The following TENM3 variants were observed in gnomAD, a reference collection of about 807,000 sequenced individuals.
TENM3 encodes the protein teneurin transmembrane protein 3, also known as teneurin-3.
Under a neutral mutation model 255.1 loss-of-function variants are expected in TENM3, and 63 were observed. The ratio of observed to expected loss-of-function variants is 0.25; its 90% CI spans 0.20 to 0.30. The LOEUF is 0.30. Among genes scored for constraint, TENM3 ranks in the 10% least tolerant of loss-of-function variants. The probability of loss-of-function intolerance (pLI) is 1.00; values close to 1 mark genes in which losing one functional copy is unlikely to be tolerated. For missense variants in TENM3, 2,929 were observed against 3,461.1 expected (o/e 0.85, Z 3.86); for synonymous variants, 1,306 against 1,322.3 (o/e 0.99, Z 0.27).
the TENM3 span, among the ~76,000 whole-genome samples, chr4:182,090,913 C>A: frequency 6.6e-6 from 1 of 152,144 alleles, no homozygotes; most frequent in Admixed American, 6.6e-5. Context: ...TAGGTTTGAT[C>A]TTCTAATCCC....
the TENM3 span, among the ~76,000 whole-genome samples, chr4:181,586,582 C>T: frequency 6.6e-6 from 1 of 152,144 alleles, no homozygotes; most frequent in Non-Finnish European, 1.5e-5. Flanking sequence ...TGGCTCACAC[C>T]TGTAATCCCA....
At chr4:182,530,148 G>C (rs948385379) in intron 3 of TENM3, among the ~76,000 whole-genome samples, 3 of 152,166 alleles carry the variant, frequency 2.0e-5, no homozygotes, top group Admixed American at 1.3e-4. Flanking sequence ...CTCATAGTCA[G>C]AGACTTGTTT....
chr4:182,317,155 G>A (rs1170698939), intron 1 of TENM3, among the ~76,000 whole-genome samples: 1 of 152,188 alleles, frequency 6.6e-6, no homozygotes, highest in African/African-American at 2.4e-5. Flanking sequence ...TTACTGTCAT[G>A]TGTAAAGAAA....
chr4:182,041,028 C>T, the TENM3 span, among the ~76,000 whole-genome samples: 1 of 152,146 alleles, frequency 6.6e-6, no homozygotes, highest in Non-Finnish European at 1.5e-5. Context: ...AAATAGGAAA[C>T]TCCTGTATTT....
upstream of TENM3, among the ~76,000 whole-genome samples, chr4:182,241,659 G>T (rs2150067724): frequency 6.6e-6 from 1 of 151,800 alleles, no homozygotes; most frequent in East Asian, 1.9e-4. Flanking sequence ...ACAGGCATGT[G>T]CCACCATGCC....
chr4:181,547,469 C>T, the TENM3 span, among the ~76,000 whole-genome samples: 4 of 151,708 alleles, frequency 2.6e-5, no homozygotes, highest in African/African-American at 9.7e-5. Flanking sequence ...ATAAAAATTC[C>T]AAAAAGTTGA....
intron 3 of TENM3, among the ~76,000 whole-genome samples, chr4:182,365,843 T>A (rs1234519054): frequency 6.6e-6 from 1 of 152,208 alleles, no homozygotes; most frequent in Non-Finnish European, 1.5e-5. Context: ...GCCCACTATA[T>A]CTAGGCTACA....
At chr4:181,649,825 C>T in the TENM3 span, among the ~76,000 whole-genome samples, 1 of 152,114 alleles carries the variant, frequency 6.6e-6, no homozygotes. Flanking sequence ...TGTCTACAGT[C>T]TCTGTGAAGT....
intron 4 of TENM3, among the ~76,000 whole-genome samples, chr4:182,612,162 C>A (rs954987735): frequency 1.3e-5 from 2 of 151,428 alleles, no homozygotes; most frequent in Non-Finnish European, 2.9e-5. Context: ...ATCTGAGCTA[C>A]AGGGGAGGCT....
Position 182,352,199 on chromosome 4 carries a change from G to A in TENM3, c.511+5270G>A, listed in dbSNP as rs554155269. Among the ~76,000 whole-genome samples, 10 of 151,894 alleles carry A rather than the reference G, an allele frequency of 6.6e-5. No individual in the cohort carries two copies. The South Asian group carries it at 8.3e-4, about 13-fold the overall frequency. ...ACTCACGGTGTCTTCCAGAAAGGGC[G>A]CTGATCATTTGTGCAGTCTGGAATT... On this transcript the variant is annotated intron_variant, in intron 3 of 27. Transcript: ENST00000511685.
At chr4:181,963,121 A>G in the TENM3 span, among the ~76,000 whole-genome samples, 1 of 152,366 alleles carries the variant, frequency 6.6e-6, no homozygotes, top group East Asian at 1.9e-4. Context: ...AAGATACAGC[A>G]TATTACCACT....
chr4:182,449,335 C>T (rs567198743), intron 3 of TENM3, among the ~76,000 whole-genome samples: 14 of 152,292 alleles, frequency 9.2e-5, no homozygotes, highest in African/African-American at 2.9e-4. Flanking sequence ...TTTTTAACCC[C>T]TGAGGGACCA....
chr4:182,384,388 G>A (rs940236062), intron 3 of TENM3, among the ~76,000 whole-genome samples: 2 of 151,016 alleles, frequency 1.3e-5, no homozygotes, highest in South Asian at 2.1e-4. Flanking sequence ...CAGAGTAGAC[G>A]CAGGTAGGTG....
At chr4:182,044,577 G>A in the TENM3 span, among the ~76,000 whole-genome samples, 1 of 152,236 alleles carries the variant, frequency 6.6e-6, no homozygotes, top group South Asian at 2.1e-4. Flanking sequence ...GCTCGTTTAC[G>A]AGAGGTGGTG....
chr4:182,394,677 GTAGTC>G (rs750168575), intron 3 of TENM3, among the ~76,000 whole-genome samples: 2 of 152,168 alleles, frequency 1.3e-5, no homozygotes, highest in Non-Finnish European at 2.9e-5. Flanking sequence ...GCTTGAAAAT[GTAGTC>G]TAGAGAATCA....
At chr4:182,784,376 G>A in intron 24 of TENM3, among the ~76,000 whole-genome samples, 1 of 151,896 alleles carries the variant, frequency 6.6e-6, no homozygotes, top group Non-Finnish European at 1.5e-5. Context: ...AGGGGTCAGG[G>A]GTCAGGGACC....
chr4:181,910,092 A>T, the TENM3 span, among the ~76,000 whole-genome samples: 1 of 152,206 alleles, frequency 6.6e-6, no homozygotes, highest in Non-Finnish European at 1.5e-5. Context: ...ACATAAAGTA[A>T]TGACACCTTC....
chr4:182,389,768 C>T (rs1416317075), intron 3 of TENM3, among the ~76,000 whole-genome samples: 1 of 150,698 alleles, frequency 6.6e-6, no homozygotes, highest in East Asian at 2.0e-4. Context: ...TCACTGCAAG[C>T]TCCGCCTCCC....
At chr4:182,129,664 G>GATC in the TENM3 span, among the ~76,000 whole-genome samples, 1 of 152,116 alleles carries the variant, frequency 6.6e-6, no homozygotes. Context: ...GCTGAAATCA[G>GATC]CCTTTTGGCA....
Sources: allele counts gnomAD v4.1 joint callset (sites outside exome capture counted in the v4.1 genomes callset), GRCh38; gene constraint gnomAD v4.1.1; transcripts MANE v1.5; gene names NCBI Gene and HGNC (gene_info 2026-07-23, HGNC 2026-07-21).